Variants in CCDC181 observed in about 807,000 individuals in gnomAD.
CCDC181 encodes coiled-coil domain containing 181, also known as coiled-coil domain-containing protein 181.
Under a neutral mutation model 58.7 loss-of-function variants are expected in CCDC181, and 35 were observed. The ratio of observed to expected loss-of-function variants is 0.60; its 90% CI spans 0.46 to 0.79. The LOEUF (loss-of-function observed/expected upper bound fraction) is 0.79. CCDC181 is among the 30% of genes least tolerant of loss of function. The probability of loss-of-function intolerance (pLI) is 0.00; values close to 1 mark genes in which losing one functional copy is unlikely to be tolerated. For missense variants in CCDC181, 517 were observed against 583.9 expected, an observed-to-expected ratio of 0.89 and a Z score of 1.18; for synonymous variants, 183 against 197.5, an observed-to-expected ratio of 0.93 and a Z score of 0.62.
intron 2 of CCDC181, among the ~76,000 whole-genome samples, chr1:169,450,801 T>TGGTA (rs1398189720): frequency 1.3e-5 from 2 of 152,302 alleles, no homozygotes; most frequent in East Asian, 3.9e-4. Context: ...TGTTAATACT[T>TGGTA]GGTATTTTCT....
intron 5 of CCDC181, among the ~76,000 whole-genome samples, chr1:169,396,757 CA>C (rs1655057142): frequency 6.6e-6 from 1 of 152,064 alleles, no homozygotes; most frequent in Non-Finnish European, 1.5e-5. Context: ...CTTAAATTAC[CA>C]AAATATGTAC....
chr1:169,447,865 T>C (rs867294842), intron 2 of CCDC181, among the ~76,000 whole-genome samples: 11 of 152,180 alleles, frequency 7.2e-5, no homozygotes, highest in African/African-American at 2.2e-4. Context: ...TTTCCATCCC[T>C]TTAATCTATA....
At chr1:169,444,800 C>G (rs1216138450) in intron 2 of CCDC181, among the ~76,000 whole-genome samples, 1 of 152,076 alleles carries the variant, frequency 6.6e-6, no homozygotes, top group Non-Finnish European at 1.5e-5. Flanking sequence ...TTGGCATTAG[C>G]AAATAATGAG....
chr1:169,428,484 C>G (rs200884306), upstream of CCDC181, among the ~76,000 whole-genome samples: 1 of 132,628 alleles, frequency 7.5e-6, no homozygotes, highest in African/African-American at 2.8e-5. Context: ...TTGTATTTTT[C>G]AAATAATGGG....
chr1:169,455,973 T>G (rs1229417564), intron 2 of CCDC181, among the ~76,000 whole-genome samples: 1 of 152,166 alleles, frequency 6.6e-6, no homozygotes, highest in Non-Finnish European at 1.5e-5. Flanking sequence ...ACTTGGTAAC[T>G]ATATTAATCA....
rs539126906 is a variant in CCDC181 at position 169,454,868 on chromosome 1, T to G, written c.-24+4929A>C. On this transcript the variant is annotated intron_variant, in intron 2 of 6. Transcript: ENST00000545005. ...AAGAAAAAGTTTTATCCATTATGTG[T>G]GTTATTCTTAACCAATATGTTGTTT... 2.4e-4 allele frequency among the ~76,000 whole-genome samples: 36 copies of G among 152,142 alleles called. 1 individual carries two copies. The highest frequency in any genetic ancestry group is 2.0e-3 in the Admixed American group (31 of 15,266).
At chr1:169,418,545 T>C (rs1450575172) in intron 4 of CCDC181, among the ~76,000 whole-genome samples, 1 of 151,860 alleles carries the variant, frequency 6.6e-6, no homozygotes, top group Non-Finnish European at 1.5e-5. Flanking sequence ...TACATATATA[T>C]CTTTTTTTAG....
Position 169,421,904 on chromosome 1 carries a change from A to T in CCDC181, c.527T>A (p.Phe176Tyr), listed in dbSNP as rs754971735. The change falls in exon 3 of 6, where the codon TTT (phenylalanine) becomes TAT (tyrosine). Residue 176 changes from phenylalanine (F) to tyrosine (Y), a missense_variant. Transcript: ENST00000367806. ...CCCAAACATATTCCTTTCGTTTTCA[A>T]AATAATTTTTAAAAGTAGTAGTGTC... ...LEDTTTFKNY[F>Y]ENERNMFGKL... The T allele has an allele frequency of 8.7e-6, 14 of 1,613,712 alleles. No individual in the cohort carries two copies. The highest frequency in any genetic ancestry group is 1.2e-5 in the Non-Finnish European group (14 of 1,179,964).
intron 4 of CCDC181, among the ~76,000 whole-genome samples, chr1:169,417,474 G>A (rs1243260353): frequency 6.6e-6 from 1 of 152,134 alleles, no homozygotes; most frequent in African/African-American, 2.4e-5. Flanking sequence ...GGGGTGTGAA[G>A]CTTCCATGCC....
intron 4 of CCDC181, among the ~76,000 whole-genome samples, chr1:169,399,953 G>A (rs1477659371): frequency 1.3e-5 from 2 of 152,174 alleles, no homozygotes; most frequent in Non-Finnish European, 2.9e-5. Flanking sequence ...AATTTCCAGG[G>A]CAGGGTACTA....
At chr1:169,431,731 T>G (rs1607270), upstream of CCDC181, among the ~76,000 whole-genome samples, 81,353 of 152,024 alleles carry the variant, frequency 0.54, 22,625 homozygotes, top group Non-Finnish European at 0.6. Context: ...GGAGCAGCTT[T>G]AACATAGTTC....
In CCDC181 at chr1:169,421,395, G is replaced by A; in HGVS notation, c.1036C>T (p.Leu346=). 6.2e-7 allele frequency: 1 copy of A among 1,611,274 alleles called. No individual in the cohort carries two copies. Among genetic ancestry groups the A allele is most frequent in the Non-Finnish European group, 8.5e-7 (1 of 1,179,286 alleles). Residue 346 remains leucine (L), a synonymous_variant, in exon 3 of 6, where the codon CTA becomes TTA. Transcript: ENST00000367806. ...TTCAGTTTTTCTCTCTTTTCTTCTA[G>A]TTGTTTTTGTAGTTCTTTCTGTCGA... ...SPRQKELQKQ[L]EEKREKLKRE...
upstream of CCDC181, among the ~76,000 whole-genome samples, chr1:169,427,693 GACA>G (rs2102107957): frequency 6.6e-6 from 1 of 152,322 alleles, no homozygotes; most frequent in South Asian, 2.1e-4. Flanking sequence ...AATTTCTTAG[GACA>G]ACTTCTAAAA....
At chr1:169,403,895 CA>C (rs1350301307) in intron 4 of CCDC181, among the ~76,000 whole-genome samples, 5 of 152,060 alleles carry the variant, frequency 3.3e-5, no homozygotes, top group East Asian at 1.9e-4. Context: ...AAAAGATCAG[CA>C]AAATCGATAG....
intron 2 of CCDC181, among the ~76,000 whole-genome samples, chr1:169,458,186 T>TG (rs1246312556): frequency 3.6e-5 from 5 of 137,194 alleles, no homozygotes; most frequent in Admixed American, 7.4e-5. Flanking sequence ...TTTTTTTTTT[T>TG]TTGTTTTGTT....
At chr1:169,434,881 C>T (rs1657013720) in intron 2 of CCDC181, among the ~76,000 whole-genome samples, 1 of 151,936 alleles carries the variant, frequency 6.6e-6, no homozygotes, top group African/African-American at 2.4e-5. Flanking sequence ...TATAAAGTGC[C>T]CAGAACAGTC....
intron 4 of CCDC181, among the ~76,000 whole-genome samples, chr1:169,412,470 A>G (rs1055471276): frequency 6.6e-6 from 1 of 152,230 alleles, no homozygotes; most frequent in East Asian, 1.9e-4. Flanking sequence ...TACTGATTCA[A>G]TGCTATCCCC....
At chr1:169,439,446 C>T (rs1330455848) in intron 2 of CCDC181, among the ~76,000 whole-genome samples, 1 of 152,184 alleles carries the variant, frequency 6.6e-6, no homozygotes, top group Non-Finnish European at 1.5e-5. Flanking sequence ...CTGACCCCCT[C>T]CCTCGTGGAA....
intron 4 of CCDC181, among the ~76,000 whole-genome samples, chr1:169,414,397 A>T (rs1656122210): frequency 6.6e-6 from 1 of 152,228 alleles, no homozygotes; most frequent in Non-Finnish European, 1.5e-5. Context: ...TTTTCTAAGT[A>T]ATTCATAGGA....
Sources: gnomAD v4.1 joint callset for allele counts (sites outside exome capture counted in the v4.1 genomes callset) on GRCh38, gnomAD v4.1.1 for gene constraint, MANE v1.5 for transcripts, NCBI Gene and HGNC (gene_info 2026-07-23, HGNC 2026-07-21) for gene names.